Variants in DOCK8 observed in about 807,000 individuals in gnomAD.
DOCK8 encodes the protein dedicator of cytokinesis 8.
DOCK8 carries 141 observed loss-of-function variants against 245.6 expected under a neutral mutation model. The observed-to-expected ratio is 0.57, with a 90% confidence interval of 0.50 to 0.66. The LOEUF is 0.66. Ranked by LOEUF, DOCK8 falls within the 30% of genes least tolerant of loss-of-function variation. The pLI is 0.00. For missense variants in DOCK8, 2,965 were observed against 2,603.4 expected, an observed-to-expected ratio of 1.14 and a Z score of -3.02; for synonymous variants, 1,168 against 970.2, an observed-to-expected ratio of 1.20 and a Z score of -3.79.
chr9:289,430 A>G (rs2048948945), intron 3 of DOCK8, 80 bp from the exon 4 acceptor site: 30 of 1,121,644 alleles, frequency 2.7e-5, no homozygotes, highest in East Asian at 7.1e-5. Context: ...AATTCGTGTC[A>G]TGTTCCTTGC....
intron 1 of DOCK8, among the ~76,000 whole-genome samples, chr9:218,800 G>C (rs920689643): frequency 6.6e-6 from 1 of 152,188 alleles, no homozygotes; most frequent in African/African-American, 2.4e-5. Context: ...GGACAGTCAG[G>C]ATTGAAAGGA....
chr9:376,104 G>C, intron 18 of DOCK8, 106 bp from the exon 19 acceptor site: 1 of 845,672 alleles, frequency 1.2e-6, no homozygotes, highest in South Asian at 1.3e-5. Flanking sequence ...AGAGAGTTCT[G>C]TATTTGTATA....
chr9:294,522 T>C (rs1184561968), intron 4 of DOCK8, among the ~76,000 whole-genome samples: 1 of 152,258 alleles, frequency 6.6e-6, no homozygotes, highest in Non-Finnish European at 1.5e-5. Context: ...ACTTTCTGAA[T>C]ACAGTTTCCT....
rs560928639 is a variant in DOCK8 at position 424,973 on chromosome 9, A to G, written c.4242-1912A>G. On this transcript the variant is annotated intron_variant, in intron 33 of 47. Transcript: ENST00000432829. ...GTTCAAATTGAGATAATAAATCAAG[A>G]TAAGTGAAAAATACGCACCAGATTT... Among the ~76,000 whole-genome samples the G allele has an allele frequency of 5.9e-5, 9 of 152,362 alleles. No homozygotes were observed. In the South Asian group the frequency reaches 6.2e-4, roughly 11 times the overall value.
At position 271,612 on chromosome 9, in the gene DOCK8, C is replaced by T; in HGVS notation, c.54-15C>T. ...AAATAATCATTTCATTTAGATTTTT[C>T]TATTTTAATCCAAGGTATTCTTCAG... On this transcript the variant is annotated splice_polypyrimidine_tract_variant and intron_variant, in intron 1 of 47. Coordinates refer to ENST00000432829, the MANE Select transcript of DOCK8 (RefSeq NM_203447.4). 1 of 1,496,512 alleles carries T rather than the reference C, an allele frequency of 6.7e-7. No individual in the cohort carries two copies. Among genetic ancestry groups the T allele is most frequent in the Non-Finnish European group, 9.1e-7 (1 of 1,098,802 alleles). The allele number at this position is 1,496,512 out of a possible 1,614,324, so 92.7% of individuals were successfully genotyped here.
chr9:412,486 G>C (rs948737803), intron 28 of DOCK8, among the ~76,000 whole-genome samples: 3 of 151,104 alleles, frequency 2.0e-5, no homozygotes, highest in African/African-American at 7.3e-5. Context: ...TCTATTCATA[G>C]GTGGCATAAT....
At chr9:402,182 C>G (rs1300117480) in intron 26 of DOCK8, among the ~76,000 whole-genome samples, 2 of 152,220 alleles carry the variant, frequency 1.3e-5, no homozygotes, top group African/African-American at 4.8e-5. Context: ...CCCTGCAAAA[C>G]TCATGTTTTT....
intron 2 of DOCK8, among the ~76,000 whole-genome samples, chr9:280,264 G>C (rs79576342): frequency 6.6e-6 from 1 of 152,188 alleles, no homozygotes; most frequent in African/African-American, 2.4e-5. Context: ...TAAAAAGAAA[G>C]ACTGCATAAG....
intron 40 of DOCK8, 51 bp from the exon 41 acceptor site, chr9:441,230 CTTCTT>C: frequency 6.2e-7 from 1 of 1,611,406 alleles, no homozygotes; most frequent in Non-Finnish European, 8.5e-7. Flanking sequence ...TCTGGTTGCT[CTTCTT>C]AAGTTTCCAG....
intron 43 of DOCK8, 93 bp from the exon 44 acceptor site, chr9:446,277 G>T: frequency 2.8e-6 from 3 of 1,079,390 alleles, no homozygotes; most frequent in Non-Finnish European, 4.3e-6. Context: ...GGGCGGTGCC[G>T]GCACGCCGTG....
chr9:428,236 G>A (rs1012545299), intron 34 of DOCK8, 126 bp from the exon 35 acceptor site: 181 of 1,451,194 alleles, frequency 1.2e-4, no homozygotes, highest in Middle Eastern at 2.4e-4. Context: ...ACCCATGGTG[G>A]CTCACCAAAC....
Position 390,603 on chromosome 9 carries a change from G to A in DOCK8, c.2970+37G>A, listed in dbSNP as rs1396520528. 6 of 1,576,938 alleles carry A rather than the reference G, an allele frequency of 3.8e-6. No homozygotes were observed. The African/African-American group carries it at 5.4e-5, about 14-fold the overall frequency. On this transcript the variant is annotated intron_variant, in intron 24 of 47. Transcript: ENST00000432829. Reference sequence around the variant, plus strand: ...GCGCGTTTGTATCTGTGCTCAATAGGCCAAGAGAAGCACACAGCAGAAAGG... The same window carrying A: ...GCGCGTTTGTATCTGTGCTCAATAGACCAAGAGAAGCACACAGCAGAAAGG...
At chr9:303,755 C>A (rs2049672817) in intron 4 of DOCK8, among the ~76,000 whole-genome samples, 1 of 152,024 alleles carries the variant, frequency 6.6e-6, no homozygotes, top group Admixed American at 6.5e-5. Flanking sequence ...TGCAATTTAC[C>A]CATGTAATGA....
At chr9:218,489 A>G (rs947260717) in intron 1 of DOCK8, among the ~76,000 whole-genome samples, 5 of 152,156 alleles carry the variant, frequency 3.3e-5, no homozygotes, top group Non-Finnish European at 5.9e-5. Flanking sequence ...GACTAGATCT[A>G]AGTTAGGCAG....
chr9:447,375 C>G (rs147973322), intron 44 of DOCK8, among the ~76,000 whole-genome samples: 1 of 152,126 alleles, frequency 6.6e-6, no homozygotes, highest in Non-Finnish European at 1.5e-5. Context: ...CACAATTCAG[C>G]ATTTTCTTTT....
At chr9:456,416 C>G (rs1410453013) in intron 46 of DOCK8, 3 of 152,248 alleles carry the variant, frequency 2.0e-5, no homozygotes, top group Non-Finnish European at 4.4e-5. Context: ...TTAGTAAGCT[C>G]CAGCTTCTCA....
At chr9:324,046 G>C (rs562581612) in intron 7 of DOCK8, among the ~76,000 whole-genome samples, 1 of 152,294 alleles carries the variant, frequency 6.6e-6, no homozygotes, top group South Asian at 2.1e-4. Context: ...GGAAAGGCAA[G>C]CATCCTTACC....
At chr9:421,733 C>T (rs1362829693) in intron 32 of DOCK8, among the ~76,000 whole-genome samples, 1 of 152,222 alleles carries the variant, frequency 6.6e-6, no homozygotes, top group Admixed American at 6.5e-5. Context: ...CAGGCACCCT[C>T]ATTTGACACC....
At chr9:307,265 C>T (rs1281342630) in intron 5 of DOCK8, among the ~76,000 whole-genome samples, 2 of 149,574 alleles carry the variant, frequency 1.3e-5, no homozygotes, top group Non-Finnish European at 3.0e-5. Flanking sequence ...GACCAGCGTA[C>T]ACACAAAGCA....
Sources: gnomAD v4.1 joint callset for allele counts (sites outside exome capture counted in the v4.1 genomes callset) on GRCh38, gnomAD v4.1.1 for gene constraint, MANE v1.5 for transcripts, NCBI Gene and HGNC (gene_info 2026-07-23, HGNC 2026-07-21) for gene names.